STRADA: variants seen among roughly 807,000 people sequenced by gnomAD.
STRADA encodes the protein STE20 related adaptor alpha, also known as STE20-related kinase adapter protein alpha.
In STRADA, 26 loss-of-function variants were observed where a neutral mutation model predicts 55.0. The ratio of observed to expected loss-of-function variants is 0.47; its 90% CI spans 0.35 to 0.66. The LOEUF is 0.66. Ranked by LOEUF, STRADA falls within the 30% of genes least tolerant of loss-of-function variation. STRADA has a pLI of 0.01. For synonymous variants in STRADA, 197 were observed against 210.9 expected (o/e 0.93, Z 0.57); for missense variants, 443 against 549.7 (o/e 0.81, Z 1.94).
At chr17:63,704,239 C>A (rs1300721412) in intron 11 of STRADA, 102 bp downstream of exon 11, 7 of 1,555,788 alleles carry the variant, frequency 4.5e-6, no homozygotes, top group Admixed American at 1.9e-5. Context: ...GCTCCAGATT[C>A]CCCTGCAGAA....
At position 63,708,176 on chromosome 17, in the gene STRADA, C is replaced by T. The variant is rs545223215; in HGVS notation, c.582-758G>A. On this transcript the variant is annotated intron_variant, in intron 8 of 12. Transcript: ENST00000336174. ...GATTACAGGTGTGAATCACCGTGAC[C>T]GGCCTATAACCAGGTTTTTTGTTCT... 6.6e-5 allele frequency among the ~76,000 whole-genome samples: 10 copies of T among 151,612 alleles called. No homozygotes were observed. In the South Asian group the frequency reaches 2.1e-3, roughly 32 times the overall value.
rs1328119213 is a variant in STRADA, at chr17:63,703,620, C to T, written c.1275G>A (p.Glu425=). The T allele has an allele frequency of 6.2e-7, 1 of 1,614,148 alleles. No individual in the cohort carries two copies. Among genetic ancestry groups the T allele is most frequent in the Non-Finnish European group, 8.5e-7 (1 of 1,179,988 alleles). Residue 425 remains glutamate (E), a synonymous_variant, in exon 13 of 13, where the codon GAG becomes GAA. Transcript: ENST00000336174. ...FGLVTNLEEL[E]VDDWEF ...AGGCTCAGAACTCCCAATCGTCCAC[C>T]TCCAGCTCTTCCAGGTTTGTTACCA... is the stretch of plus-strand genomic sequence containing the variant.
intron 1 of STRADA, among the ~76,000 whole-genome samples, chr17:63,739,940 C>T (rs1467000864): frequency 1.4e-5 from 2 of 147,038 alleles, no homozygotes; most frequent in Admixed American, 1.4e-4. Context: ...TGACTGGCTC[C>T]GGCAGTGCAC....
chr17:63,738,357 A>AG (rs1170960530), intron 1 of STRADA, among the ~76,000 whole-genome samples: 1 of 148,054 alleles, frequency 6.8e-6, no homozygotes, highest in Non-Finnish European at 1.5e-5. Flanking sequence ...AAAAAAAAAA[A>AG]GAGAAAAGAA....
At chr17:63,740,145 T>TAGACACAC (rs753964028) in intron 1 of STRADA, among the ~76,000 whole-genome samples, 1 of 42,890 alleles carries the variant, frequency 2.3e-5, no homozygotes, top group Non-Finnish European at 4.5e-5. Flanking sequence ...CATATATATA[T>TAGACACAC]ATACACACAC....
chr17:63,726,813 T>C, intron 2 of STRADA, 118 bp from the exon 3 acceptor site: 1 of 942,772 alleles, frequency 1.1e-6, no homozygotes, highest in African/African-American at 1.7e-5. Flanking sequence ...TGCAGTACAG[T>C]TAGGAATCAT....
chr17:63,716,435 G>A (rs1477383420), intron 4 of STRADA, among the ~76,000 whole-genome samples: 1 of 151,960 alleles, frequency 6.6e-6, no homozygotes, highest in Non-Finnish European at 1.5e-5. Flanking sequence ...CCAACACTTG[G>A]TATTTTCAGA....
In STRADA at chr17:63,726,438, T is replaced by C. The variant is rs2037662787; in HGVS notation, c.94+200A>G. 3 of 503,246 alleles carry C rather than the reference T, an allele frequency of 6.0e-6. No homozygotes were observed. The South Asian group carries it at 1.1e-4, about 18-fold the overall frequency. 31.2% of individuals were successfully genotyped at this position (503,246 alleles called of 1,614,324 possible). Reference sequence around the variant, plus strand: ...TAAGTAAATACTGGCTTTCTAACAATCAAGACAGGCCAAGGAAAATTGCCA... The same window carrying C: ...TAAGTAAATACTGGCTTTCTAACAACCAAGACAGGCCAAGGAAAATTGCCA... On this transcript the variant is annotated intron_variant, in intron 3 of 12. Transcript: ENST00000336174.
chr17:63,711,616 C>T (rs1296982649), intron 6 of STRADA, among the ~76,000 whole-genome samples: 1 of 151,942 alleles, frequency 6.6e-6, no homozygotes, highest in African/African-American at 2.4e-5. Context: ...CCACTGTGCC[C>T]AGCCCAAAAC....
At chr17:63,712,930 G>A (rs997966525) in intron 6 of STRADA, among the ~76,000 whole-genome samples, 1 of 151,916 alleles carries the variant, frequency 6.6e-6, no homozygotes. Context: ...GAACCTGGGA[G>A]GTGGGGGTTG....
intron 8 of STRADA, among the ~76,000 whole-genome samples, chr17:63,707,983 C>T (rs887974933): frequency 6.6e-6 from 1 of 151,914 alleles, no homozygotes; most frequent in Admixed American, 6.6e-5. Context: ...GTGATCCACC[C>T]GTCTCAGCCT....
chr17:63,716,941 A>T (rs534209835), intron 4 of STRADA: 1 of 152,360 alleles, frequency 6.6e-6, no homozygotes, highest in South Asian at 2.1e-4. Context: ...ACTCAGGTCT[A>T]TTACTGGTTC....
rs574981694 is a variant in STRADA at position 63,736,014 on chromosome 17, G to A, written c.-45+5727C>T. ...TGGAGTGCAATGGTGCGATCTTGGC[G>A]CACTGCAACCTCTGCCTCTTGGGTT... On this transcript the variant is annotated intron_variant, in intron 1 of 12. Transcript: ENST00000336174. Among the ~76,000 whole-genome samples, 4 of 152,140 alleles carry A rather than the reference G, an allele frequency of 2.6e-5. No individual in the cohort carries two copies. In the East Asian group the frequency reaches 7.7e-4, roughly 29 times the overall value.
At position 63,710,891 on chromosome 17, in the gene STRADA, TC is replaced by T. The variant is rs898478239; in HGVS notation, c.349-56del. On this transcript the variant is annotated intron_variant, in intron 6 of 12. Transcript: ENST00000336174. ...ACCAAATGGCACTGAAGGATGCCGCTCAACACAAAGATGGCAGCATGGACAA... is the reference window on the plus strand; with the variant it reads ...ACCAAATGGCACTGAAGGATGCCGCTAACACAAAGATGGCAGCATGGACAA... 43 of 1,515,516 alleles carry T rather than the reference TC, an allele frequency of 2.8e-5. No homozygotes were observed. The Admixed American group carries it at 7.0e-4, about 25-fold the overall frequency. The allele number at this position is 1,515,516 out of a possible 1,614,324, so 93.9% of individuals were successfully genotyped here.
At chr17:63,707,164 G>GC in intron 9 of STRADA, 83 bp downstream of exon 9, 1 of 1,559,276 alleles carries the variant, frequency 6.4e-7, no homozygotes, top group Non-Finnish European at 8.7e-7. Flanking sequence ...GAGGTTGAGA[G>GC]CCCCCGACTC....
At chr17:63,707,540 G>T (rs1056237276) in intron 8 of STRADA, 122 bp from the exon 9 acceptor site, 46 of 837,372 alleles carry the variant, frequency 5.5e-5, no homozygotes, top group South Asian at 2.7e-4. Flanking sequence ...ACGTATATGT[G>T]TATTTTACAT....
At chr17:63,707,045 C>A (rs1031336179) in intron 9 of STRADA, among the ~76,000 whole-genome samples, 1 of 152,198 alleles carries the variant, frequency 6.6e-6, no homozygotes, top group Non-Finnish European at 1.5e-5. Flanking sequence ...GCTGAAATTT[C>A]ATCCAATAGA....
Position 63,702,888 on chromosome 17 carries a change from C to T in STRADA, c.*711G>A, listed in dbSNP as rs564659208. On this transcript the variant is annotated 3_prime_UTR_variant, in exon 13 of 13. Coordinates refer to ENST00000336174, the MANE Select transcript of STRADA (RefSeq NM_001003787.4). Reference sequence around the variant, plus strand: ...TGTTCTGACAACGAAACTAACACAGCATAAGGACTTAAGCCCTCAAGCTAG... The same window carrying T: ...TGTTCTGACAACGAAACTAACACAGTATAAGGACTTAAGCCCTCAAGCTAG... 6.6e-6 allele frequency: 1 copy of T among 152,628 alleles called. No individual in the cohort carries two copies. Among genetic ancestry groups the T allele is most frequent in the Non-Finnish European group, 1.5e-5 (1 of 68,058 alleles). The allele number at this position is 152,628 out of a possible 1,614,324, so 9.5% of individuals were successfully genotyped here. A position where few individuals can be genotyped will look rare whatever the true frequency, so the allele number is the denominator to read the frequency against.
chr17:63,734,271 A>G (rs1318463614), intron 1 of STRADA, among the ~76,000 whole-genome samples: 1 of 152,242 alleles, frequency 6.6e-6, no homozygotes, highest in Non-Finnish European at 1.5e-5. Context: ...ACTGTTTTCA[A>G]TAAGAATGTT....
Sources: gnomAD v4.1 joint callset for allele counts (sites outside exome capture counted in the v4.1 genomes callset) on GRCh38, gnomAD v4.1.1 for gene constraint, MANE v1.5 for transcripts, NCBI Gene and HGNC (gene_info 2026-07-23, HGNC 2026-07-21) for gene names.